The following RYR1 variants were observed in gnomAD, a reference collection of about 807,000 sequenced individuals.
RYR1 encodes central core disease of muscle.
Under a neutral mutation model 583.5 loss-of-function variants are expected in RYR1, and 342 were observed. The ratio of observed to expected loss-of-function variants is 0.59; its 90% CI spans 0.54 to 0.64. The LOEUF (loss-of-function observed/expected upper bound fraction) is 0.64. Ranked by LOEUF, RYR1 falls within the 30% of genes least tolerant of loss-of-function variation. The probability of loss-of-function intolerance (pLI) is 0.00; values close to 1 mark genes in which losing one functional copy is unlikely to be tolerated. For missense variants in RYR1, 6,032 were observed against 6,917.2 expected, an observed-to-expected ratio of 0.87 and a Z score of 4.54; for synonymous variants, 2,791 against 2,822.5, an observed-to-expected ratio of 0.99 and a Z score of 0.35.
intron 76 of RYR1, among the ~76,000 whole-genome samples, chr19:38,532,135 T>G (rs1236049291): frequency 6.6e-6 from 1 of 151,588 alleles, no homozygotes; most frequent in Non-Finnish European, 1.5e-5. Context: ...TTTTTTTTTT[T>G]TTTTGAGATG....
At chr19:38,581,279 A>G (rs1599666722) in intron 101 of RYR1, among the ~76,000 whole-genome samples, 1 of 152,128 alleles carries the variant, frequency 6.6e-6, no homozygotes, top group East Asian at 1.9e-4. Flanking sequence ...GGGTTTCACC[A>G]TGTTAGCCAG....
rs1265086155 is a variant in RYR1, at chr19:38,494,453, C to G, written c.6376C>G (p.Arg2126Gly). The part of the protein sequence containing the change: ...LVRAMFSLLH[R>G]QYDGLGELLR... ...GCGGGCCATGTTCAGCCTCCTGCAC[C>G]GGCAGTACGACGGGCTGGGTGAGCT... is the stretch of plus-strand genomic sequence containing the variant. The change falls in exon 39 of 106, where the codon CGG (arginine) becomes GGG (glycine). Residue 2126 changes from arginine to glycine, a missense_variant. Physicochemically the swap from Arg to Gly is moderately radical, Grantham distance 125. Around this residue, in one of 11 missense-constraint regions of RYR1, gnomAD observed 2,627 missense variants for 2,961.3 expected, o/e 0.89. Coordinates refer to ENST00000359596, the MANE Select transcript of RYR1 (RefSeq NM_000540.3). The G allele has an allele frequency of 6.2e-7, 1 of 1,612,670 alleles. No homozygotes were observed. Among genetic ancestry groups the G allele is most frequent in the South Asian group, 1.1e-5 (1 of 91,022 alleles).
chr19:38,453,307 G>A (rs568479119), intron 13 of RYR1, among the ~76,000 whole-genome samples: 7 of 151,082 alleles, frequency 4.6e-5, no homozygotes, highest in Admixed American at 1.3e-4. Context: ...GAATAAAAGA[G>A]CTGAGGGGCG....
At position 38,565,818 on chromosome 19, in the gene RYR1, G is replaced by C; in HGVS notation, c.13437+47G>C. 1 of 1,367,294 alleles carries C rather than the reference G, an allele frequency of 7.3e-7. No individual in the cohort carries two copies. Among genetic ancestry groups the C allele is most frequent in the South Asian group, 1.8e-5 (1 of 56,902 alleles). The allele number at this position is 1,367,294 out of a possible 1,614,324, so 84.7% of individuals were successfully genotyped here. A position where few individuals can be genotyped will look rare whatever the true frequency, so the allele number is the denominator to read the frequency against. ...TGGGGTTTTGGAAAGATGGGGGATT[G>C]GAGGGAGGAAGAGAGCCCGGCTGGG... is the stretch of plus-strand genomic sequence containing the variant. On this transcript the variant is annotated intron_variant, in intron 91 of 105. Coordinates refer to ENST00000359596, the MANE Select transcript of RYR1 (RefSeq NM_000540.3). This position sits in a 1 kb window ranked among gnomAD's most constrained non-coding sequence, Gnocchi z 4.7.
chr19:38,586,801 T>A (rs1332491536), intron 105 of RYR1, among the ~76,000 whole-genome samples: 1 of 152,056 alleles, frequency 6.6e-6, no homozygotes, highest in Non-Finnish European at 1.5e-5. Flanking sequence ...TGAAATTCAG[T>A]CTCTACTAAA....
chr19:38,450,979 C>T (rs1313270426), intron 11 of RYR1, among the ~76,000 whole-genome samples: 1 of 152,212 alleles, frequency 6.6e-6, no homozygotes, highest in East Asian at 1.9e-4. Context: ...GTTGCCCTTA[C>T]TCTCTGCCTA....
chr19:38,468,199 T>C (rs1968227161), intron 25 of RYR1, among the ~76,000 whole-genome samples: 1 of 149,536 alleles, frequency 6.7e-6, no homozygotes, highest in African/African-American at 2.5e-5. Flanking sequence ...CATGCACATA[T>C]AGTCCCATCA....
At chr19:38,585,851 G>A (rs1974460483) in intron 102 of RYR1, 87 bp from the exon 103 acceptor site, 3 of 1,506,834 alleles carry the variant, frequency 2.0e-6, no homozygotes, top group Non-Finnish European at 2.8e-6. Flanking sequence ...GGGGGATGGA[G>A]GGCAAGCCCT....
rs1967144502 is a variant in RYR1 at position 38,452,759 on chromosome 19, C to G, written c.1245-60C>G. 3 of 1,473,002 alleles carry G rather than the reference C, an allele frequency of 2.0e-6. No homozygotes were observed. In the East Asian group the frequency reaches 7.4e-5, roughly 36 times the overall value. 91.2% of individuals were successfully genotyped at this position (1,473,002 alleles called of 1,614,324 possible). ...GAGTCTTGCGGGAGTGAGGTTGCGG[C>G]AGTGACGTTGCGGCAGTTAGCGCTC... is the stretch of plus-strand genomic sequence containing the variant. On this transcript the variant is annotated intron_variant, in intron 12 of 105. Coordinates refer to ENST00000359596, the MANE Select transcript of RYR1 (RefSeq NM_000540.3).
rs118192163 is a variant in RYR1, at chr19:38,494,565, G to A, written c.6488G>A (p.Arg2163His). The change falls in exon 39 of 106, where the codon CGC becomes CAC. Residue 2163 changes from arginine to histidine, a missense_variant. Transcript: ENST00000359596. ...MSLLECLGQIRSLLIVQMGPQ... is the reference protein window; with the variant it reads ...MSLLECLGQIHSLLIVQMGPQ... The stretch of plus-strand genomic sequence containing the variant: ...CTGCTCGAGTGCCTCGGCCAGATCC[G>A]CTCGCTGCTCATCGTGCAGATGGGC... The A allele has an allele frequency of 1.2e-6, 2 of 1,614,076 alleles. No homozygotes were observed. Among genetic ancestry groups the A allele is most frequent in the Non-Finnish European group, 1.7e-6 (2 of 1,180,024 alleles).
In RYR1 at chr19:38,586,150, C is replaced by G. The variant is rs368874586; in HGVS notation, c.14928C>G (p.Phe4976Leu). ...ACTTTGATACGACACCGCATGGCTT[C>G]GAGACTCACACGCTGGAGGAGCACA... ...SDYFDTTPHGFETHTLEEHNL... is the reference protein window; with the variant it reads ...SDYFDTTPHGLETHTLEEHNL... The change falls in exon 104 of 106, where the codon TTC becomes TTG. Residue 4976 changes from phenylalanine to leucine, a missense_variant. Phe to Leu is a conservative substitution (Grantham distance 22). Coordinates refer to ENST00000359596, the MANE Select transcript of RYR1 (RefSeq NM_000540.3). The G allele has an allele frequency of 8.1e-6, 13 of 1,613,890 alleles. No individual in the cohort carries two copies. Among genetic ancestry groups the G allele is most frequent in the Non-Finnish European group, 1.1e-5 (13 of 1,180,036 alleles).
chr19:38,463,155 C>CCCCA lies in RYR1; in HGVS notation c.2578-268_2578-267insCCCA, dbSNP rs71165551. On this transcript the variant is annotated intron_variant, in intron 20 of 105. Transcript: ENST00000359596. ...TCAGGCGATCTGCCCCCCCCCCCCC[C>CCCCA]ACTTAGCCTCCCAAAGTGCTGGGAT... Among the ~76,000 whole-genome samples, 14 of 82,600 alleles carry CCCCA rather than the reference C, an allele frequency of 1.7e-4. 1 individual carries two copies. Among genetic ancestry groups the CCCCA allele is most frequent in the African/African-American group, 6.8e-4 (14 of 20,612 alleles). 54.2% of individuals were successfully genotyped at this position (82,600 alleles called of 152,430 possible).
Position 38,519,320 on chromosome 19 carries a change from G to C in RYR1, c.10125G>C (p.Glu3375Asp). ...LRKRAGKVVS[E>D]EEQLRLEAKA... ...AGAGGGCAGGGAAGGTGGTGTCCGA[G>C]GAGGAGCAGCTGCGCCTGGAGGCCA... Residue 3375 changes from glutamate to aspartate, a missense_variant, in exon 67 of 106, where the codon GAG becomes GAC. Coordinates refer to ENST00000359596, the MANE Select transcript of RYR1 (RefSeq NM_000540.3). The C allele has an allele frequency of 1.9e-6, 3 of 1,613,880 alleles. No individual in the cohort carries two copies. The highest frequency in any genetic ancestry group is 2.5e-6 in the Non-Finnish European group (3 of 1,179,862).
At chr19:38,465,973 AT>A in intron 23 of RYR1, 117 bp from the exon 24 acceptor site, 1 of 962,610 alleles carries the variant, frequency 1.0e-6, no homozygotes, top group Non-Finnish European at 1.6e-6. Flanking sequence ...GCAACATTAT[AT>A]CAAAGGTCAG....
At position 38,440,876 on chromosome 19, in the gene RYR1, A is replaced by G; in HGVS notation, c.165+12A>G. ...CTAGCAACGCGCAGGTCTGTGCAGG[A>G]GGGAGAGGGGCCTGGGGACAGGGGC... On this transcript the variant is annotated intron_variant, in intron 2 of 105. Coordinates refer to ENST00000359596, the MANE Select transcript of RYR1 (RefSeq NM_000540.3). The G allele has an allele frequency of 6.2e-7, 1 of 1,609,586 alleles. No individual in the cohort carries two copies. The highest frequency in any genetic ancestry group is 1.1e-5 in the South Asian group (1 of 90,688).
At position 38,546,434 on chromosome 19, in the gene RYR1, G is replaced by A. The variant is rs756437425; in HGVS notation, c.12013-11G>A. On this transcript the variant is annotated splice_polypyrimidine_tract_variant and intron_variant, in intron 87 of 105. Transcript: ENST00000359596. ...TGCTGAGACCAGCCCTCACCGAGCT[G>A]GGATCTCTAGGACTCAAGCCAGATC... 9.3e-6 allele frequency: 15 copies of A among 1,613,192 alleles called. No individual in the cohort carries two copies. The highest frequency in any genetic ancestry group is 4.5e-5 in the East Asian group (2 of 44,838).
At chr19:38,461,742 AAAG>A (rs1490010980) in intron 20 of RYR1, among the ~76,000 whole-genome samples, 18 of 125,242 alleles carry the variant, frequency 1.4e-4, no homozygotes, top group Non-Finnish European at 2.8e-4. Context: ...AAAAAAAAAG[AAAG>A]GGAGAGAGAG....
intron 30 of RYR1, 65 bp downstream of exon 30, chr19:38,477,935 G>T: frequency 6.7e-7 from 1 of 1,498,500 alleles, no homozygotes. Flanking sequence ...CAGAGCTCCC[G>T]ACACCAGCTC....
rs2145845040 is a variant in RYR1 at position 38,565,306 on chromosome 19, G to A, written c.12972G>A (p.Thr4324=). 9.0e-7 allele frequency: 1 copy of A among 1,107,958 alleles called. No individual in the cohort carries two copies. Among genetic ancestry groups the A allele is most frequent in the Non-Finnish European group, 1.1e-6 (1 of 909,868 alleles). 68.6% of individuals were successfully genotyped at this position (1,107,958 alleles called of 1,614,324 possible). ...GCGTGCGGCGGCTGCGGCGGCTTACGGCCCGCGAGGCGGCCACCGCAGTGG... is the reference window on the plus strand; with the variant it reads ...GCGTGCGGCGGCTGCGGCGGCTTACAGCCCGCGAGGCGGCCACCGCAGTGG... ...RRRVRRLRRL[T]AREAATAVAA... Residue 4324 remains threonine (T), a synonymous_variant, in exon 91 of 106, where the codon ACG becomes ACA. Transcript: ENST00000359596. This position sits in a 1 kb window ranked among gnomAD's most constrained non-coding sequence, Gnocchi z 4.7.
Sources: gnomAD v4.1 joint callset for allele counts (sites outside exome capture counted in the v4.1 genomes callset) on GRCh38, gnomAD v4.1.1 for gene constraint, gnomAD v4.1.1 regional missense constraint, Gnocchi (gnomAD v3.1) non-coding constraint, MANE v1.5 for transcripts, NCBI Gene and HGNC (gene_info 2026-07-23, HGNC 2026-07-21) for gene names.